The following PDGFRB variants were observed in gnomAD, a reference collection of about 807,000 sequenced individuals.
PDGFRB encodes platelet-derived growth factor receptor beta.
Under a neutral mutation model 120.2 loss-of-function variants are expected in PDGFRB, and 42 were observed. The ratio of observed to expected loss-of-function variants is 0.35; its 90% CI spans 0.27 to 0.45. The LOEUF is 0.45. Ranked by LOEUF, PDGFRB falls within the 20% of genes least tolerant of loss-of-function variation. The probability of loss-of-function intolerance (pLI) is 1.00; values close to 1 mark genes in which losing one functional copy is unlikely to be tolerated. For missense variants in PDGFRB, 1,149 were observed against 1,476.3 expected (o/e 0.78, Z 3.63); for synonymous variants, 586 against 606.8 (o/e 0.97, Z 0.50).
At chr5:150,125,660 G>C in intron 11 of PDGFRB, 83 bp from the exon 12 acceptor site, 1 of 1,357,060 alleles carries the variant, frequency 7.4e-7, no homozygotes. Flanking sequence ...TAGGACACAT[G>C]GGGCAGGAGA....
In PDGFRB at chr5:150,115,805, C is replaced by A. The variant is rs770720319; in HGVS notation, c.3279G>T (p.Gly1093=). The change falls in exon 23 of 23, where the codon GGG becomes GGT. Residue 1093 remains glycine (G), a synonymous_variant. Transcript: ENST00000261799. ...EPELEQLPDS[G]CPAPRAEAED... ...CTGCTTCCGCCCGAGGCGCAGGGCA[C>A]CCCGAATCCGGCAACTGTTCCAGCT... 2 of 1,612,322 alleles carry A rather than the reference C, an allele frequency of 1.2e-6. No homozygotes were observed. Among genetic ancestry groups the A allele is most frequent in the Admixed American group, 3.3e-5 (2 of 59,926 alleles).
Position 150,119,552 on chromosome 5 carries a change from G to C in PDGFRB, c.2713C>G (p.Pro905Ala), listed in dbSNP as rs913577228. Reference sequence around the variant, plus strand: ...AACTGCTCGTTCATGGGCAGCTCTGGGTAAGGGGTGCCACCTGTTGGGGAG... The same window carrying C: ...AACTGCTCGTTCATGGGCAGCTCTGCGTAAGGGGTGCCACCTGTTGGGGAG... ...EIFTLGGTPY[P>A]ELPMNEQFYN... Residue 905 changes from proline (P) to alanine (A), a missense_variant, in exon 20 of 23, where the codon CCA becomes GCA. By Grantham distance (27) the Pro-to-Ala change is conservative. Coordinates refer to ENST00000261799, the MANE Select transcript of PDGFRB (RefSeq NM_002609.4). The C allele has an allele frequency of 1.2e-6, 2 of 1,608,780 alleles. No homozygotes were observed. The highest frequency in any genetic ancestry group is 2.7e-5 in the African/African-American group (2 of 74,842).
rs755353819 is a variant in PDGFRB, at chr5:150,121,979, C to T, written c.2245G>A (p.Val749Met). 1 of 1,613,578 alleles carries T rather than the reference C, an allele frequency of 6.2e-7. No individual in the cohort carries two copies. Among genetic ancestry groups the T allele is most frequent in the Admixed American group, 1.7e-5 (1 of 60,018 alleles). The change falls in exon 16 of 23, where the codon GTG becomes ATG. Residue 749 changes from valine to methionine, a missense_variant. Transcript: ENST00000261799. This position sits in a 1 kb window ranked among gnomAD's most constrained non-coding sequence, Gnocchi z 4.1. The part of the protein sequence containing the change: ...GYMDMSKDES[V>M]DYVPMLDMKG... ...ATGTCCAGCATGGGCACATAGTCCA[C>T]CGACTCGTCCTTGCTCATGTCCATG... is the stretch of plus-strand genomic sequence containing the variant.
At chr5:150,117,568 A>G (rs780177049) in intron 22 of PDGFRB, 50 bp downstream of exon 22, 12 of 1,009,010 alleles carry the variant, frequency 1.2e-5, no homozygotes, top group Admixed American at 3.6e-5. Flanking sequence ...ACACACACAC[A>G]CACACACACA....
chr5:150,155,250 A>G (rs2113938927), intron 1 of PDGFRB, 147 bp downstream of exon 1: 1 of 197,626 alleles, frequency 5.1e-6, no homozygotes, highest in East Asian at 1.0e-4. Context: ...GACATCACCC[A>G]CAGTCTCCCA....
intron 22 of PDGFRB, 36 bp downstream of exon 22, chr5:150,117,579 CTGT>C (rs760682072): frequency 3.1e-5 from 33 of 1,080,850 alleles, no homozygotes; most frequent in South Asian, 5.2e-5. Flanking sequence ...CACACACACA[CTGT>C]GCACAATTTC....
chr5:150,151,344 G>T (rs1243384805), intron 1 of PDGFRB, among the ~76,000 whole-genome samples: 1 of 152,156 alleles, frequency 6.6e-6, no homozygotes. Flanking sequence ...AGTCCCATAG[G>T]GTTCTAGGGT....
chr5:150,147,538 C>T (rs1760958816), intron 1 of PDGFRB, among the ~76,000 whole-genome samples: 1 of 152,240 alleles, frequency 6.6e-6, no homozygotes, highest in African/African-American at 2.4e-5. Context: ...AGCACACAGC[C>T]TTCCCCCACA....
chr5:150,148,139 G>A (rs901154385), intron 1 of PDGFRB, among the ~76,000 whole-genome samples: 1 of 152,134 alleles, frequency 6.6e-6, no homozygotes, highest in Admixed American at 6.5e-5. Context: ...TAGCACACTC[G>A]GCGATTCGGT....
chr5:150,126,395 C>T (rs1437024246), intron 11 of PDGFRB, 125 bp downstream of exon 11: 4 of 690,618 alleles, frequency 5.8e-6, no homozygotes, highest in Non-Finnish European at 1.1e-5. Flanking sequence ...CAAGTCCCCA[C>T]CTGAGTTCCA....
chr5:150,127,393 A>G (rs1258510065), intron 10 of PDGFRB, among the ~76,000 whole-genome samples: 1 of 151,750 alleles, frequency 6.6e-6, no homozygotes, highest in Admixed American at 6.6e-5. Context: ...TCCCCAATCT[A>G]TGCTTCTTTG....
At chr5:150,153,676 G>A (rs1185148465) in intron 1 of PDGFRB, 1 of 152,152 alleles carries the variant, frequency 6.6e-6, no homozygotes, top group African/African-American at 2.4e-5. Context: ...TGGATTCAGG[G>A]TCTCCTGCTT....
intron 1 of PDGFRB, among the ~76,000 whole-genome samples, chr5:150,145,328 C>G (rs1223626193): frequency 6.6e-6 from 1 of 152,224 alleles, no homozygotes; most frequent in Non-Finnish European, 1.5e-5. Flanking sequence ...CCACAGTAGG[C>G]TGGCTATTAG....
chr5:150,116,139 C>A (rs1041417116), intron 22 of PDGFRB, among the ~76,000 whole-genome samples, 193 bp from the exon 23 acceptor site: 1 of 152,140 alleles, frequency 6.6e-6, no homozygotes, highest in Non-Finnish European at 1.5e-5. Flanking sequence ...ATATCACTGC[C>A]CCACTTCACA....
Position 150,121,977 on chromosome 5 carries a change from C to A in PDGFRB, c.2247G>T (p.Val749=), listed in dbSNP as rs1760150951. The part of the protein sequence containing the change: ...GYMDMSKDES[V]DYVPMLDMKG... ...TCATGTCCAGCATGGGCACATAGTC[C>A]ACCGACTCGTCCTTGCTCATGTCCA... The change falls in exon 16 of 23, where the codon GTG becomes GTT. Residue 749 remains valine, a synonymous_variant. Coordinates refer to ENST00000261799, the MANE Select transcript of PDGFRB (RefSeq NM_002609.4). This position sits in a 1 kb window ranked among gnomAD's most constrained non-coding sequence, Gnocchi z 4.1. The A allele has an allele frequency of 6.2e-7, 1 of 1,613,562 alleles. No homozygotes were observed. The highest frequency in any genetic ancestry group is 1.3e-5 in the African/African-American group (1 of 75,010).
chr5:150,131,967 C>T lies in PDGFRB; in HGVS notation c.1243+12G>A, dbSNP rs200059301. 101 of 1,346,472 alleles carry T rather than the reference C, an allele frequency of 7.5e-5. No individual in the cohort carries two copies. Among genetic ancestry groups the T allele is most frequent in the East Asian group, 6.7e-4 (29 of 43,608 alleles). The allele number at this position is 1,346,472 out of a possible 1,614,324, so 83.4% of individuals were successfully genotyped here. A position where few individuals can be genotyped will look rare whatever the true frequency, so the allele number is the denominator to read the frequency against. On this transcript the variant is annotated intron_variant, in intron 8 of 22. Transcript: ENST00000261799. The stretch of plus-strand genomic sequence containing the variant: ...GAAGGAGCAGGGACATGGCGAGGGG[C>T]GTGCTCATCACCATTGATCTGTAGC...
In PDGFRB at chr5:150,121,376, G is replaced by A. The variant is rs900979959; in HGVS notation, c.2345-54C>T. 2 of 861,506 alleles carry A rather than the reference G, an allele frequency of 2.3e-6. No individual in the cohort carries two copies. Among genetic ancestry groups the A allele is most frequent in the Non-Finnish European group, 4.1e-6 (2 of 492,400 alleles). 53.4% of individuals were successfully genotyped at this position (861,506 alleles called of 1,614,324 possible). A position where few individuals can be genotyped will look rare whatever the true frequency, so the allele number is the denominator to read the frequency against. On this transcript the variant is annotated intron_variant, in intron 16 of 22. Coordinates refer to ENST00000261799, the MANE Select transcript of PDGFRB (RefSeq NM_002609.4). The surrounding 1 kb of genome is among the most constrained non-coding windows in gnomAD (Gnocchi z 4.1). ...ATCTTATATCTCCTTCTGGCCCACA[G>A]GACCCCTGCCCTTTGGCTCCTGGGA... is the stretch of plus-strand genomic sequence containing the variant.
intron 12 of PDGFRB, 65 bp from the exon 13 acceptor site, chr5:150,124,896 C>A: frequency 1.3e-6 from 1 of 746,956 alleles, no homozygotes; most frequent in Non-Finnish European, 2.2e-6. Context: ...CCCAGCTGCC[C>A]CCCTCCCCCC....
In PDGFRB at chr5:150,115,729, G is replaced by A; in HGVS notation, c.*34C>T. On this transcript the variant is annotated 3_prime_UTR_variant, in exon 23 of 23. Coordinates refer to ENST00000261799, the MANE Select transcript of PDGFRB (RefSeq NM_002609.4). ...GAGATGCTGGGTGCTGGCAGGGGGG[G>A]AGCTTCAGGCAGGGCAGGGTAGGGG... The A allele has an allele frequency of 6.5e-7, 1 of 1,529,220 alleles. No homozygotes were observed. The highest frequency in any genetic ancestry group is 8.8e-7 in the Non-Finnish European group (1 of 1,138,910). 94.7% of individuals were successfully genotyped at this position (1,529,220 alleles called of 1,614,324 possible).
Sources: gnomAD v4.1 joint callset for allele counts (sites outside exome capture counted in the v4.1 genomes callset) on GRCh38, gnomAD v4.1.1 for gene constraint, Gnocchi (gnomAD v3.1) non-coding constraint, MANE v1.5 for transcripts, NCBI Gene and HGNC (gene_info 2026-07-23, HGNC 2026-07-21) for gene names.